Variants in CREG2 observed in about 807,000 individuals in gnomAD.
CREG2 encodes the protein protein CREG2.
Under a neutral mutation model 26.2 loss-of-function variants are expected in CREG2, and 24 were observed. That is an observed-to-expected ratio of 0.92 (90% confidence interval 0.66 to 1.29). The LOEUF (loss-of-function observed/expected upper bound fraction) is 1.29. Among genes scored for constraint, CREG2 ranks in the 50% most tolerant of loss-of-function variants. The probability of loss-of-function intolerance (pLI) is 0.00; values close to 1 mark genes in which losing one functional copy is unlikely to be tolerated. For missense variants in CREG2, 366 were observed against 398.6 expected (o/e 0.92, Z 0.70); for synonymous variants, 174 against 169.2 (o/e 1.03, Z -0.22).
intron 3 of CREG2, among the ~76,000 whole-genome samples, chr2:101,351,708 T>TA (rs1340164072): frequency 6.6e-6 from 1 of 152,096 alleles, no homozygotes; most frequent in Non-Finnish European, 1.5e-5. Flanking sequence ...TGCATACCCC[T>TA]AAACACGCTG....
In CREG2 at chr2:101,347,874, A is replaced by C. The variant is rs1374663489; in HGVS notation, c.*3049T>G. ...TTTTATGAATTGTGCTTTTGGTATC[A>C]AGTCTAACAACCCTTTGCTTAGCCC... On this transcript the variant is annotated 3_prime_UTR_variant, in exon 4 of 4. Coordinates refer to ENST00000324768, the MANE Select transcript of CREG2 (RefSeq NM_153836.4). 6.6e-6 allele frequency: 1 copy of C among 152,196 alleles called. No homozygotes were observed. Among genetic ancestry groups the C allele is most frequent in the Non-Finnish European group, 1.5e-5 (1 of 68,016 alleles). The allele number at this position is 152,196 out of a possible 1,614,324, so 9.4% of individuals were successfully genotyped here.
chr2:101,368,011 G>A (rs1013036323), intron 2 of CREG2, among the ~76,000 whole-genome samples: 6 of 152,156 alleles, frequency 3.9e-5, no homozygotes, highest in African/African-American at 7.2e-5. Flanking sequence ...ATCTGTGGCC[G>A]GGCACGGTGG....
chr2:101,351,739 G>T (rs928586986), intron 3 of CREG2, among the ~76,000 whole-genome samples: 13 of 152,158 alleles, frequency 8.5e-5, no homozygotes, highest in African/African-American at 2.9e-4. Context: ...GAGGGCAGGG[G>T]CTGTGGCTTA....
At chr2:101,370,949 G>A (rs77107998) in intron 2 of CREG2, among the ~76,000 whole-genome samples, 5,645 of 152,242 alleles carry the variant, frequency 0.037, 151 homozygotes, top group African/African-American at 0.081. Flanking sequence ...GGGTCTTGCT[G>A]CAGTGCTGAC....
chr2:101,384,697 A>C (rs1033879309), intron 1 of CREG2, among the ~76,000 whole-genome samples: 1 of 152,226 alleles, frequency 6.6e-6, no homozygotes, highest in African/African-American at 2.4e-5. Flanking sequence ...TCCCTACAAA[A>C]AGTTTTTTAA....
At chr2:101,357,816 C>T (rs1224595075) in intron 2 of CREG2, among the ~76,000 whole-genome samples, 1 of 151,666 alleles carries the variant, frequency 6.6e-6, no homozygotes, top group Non-Finnish European at 1.5e-5. Context: ...CTGTAGCACC[C>T]TACCTGAGGT....
intron 2 of CREG2, among the ~76,000 whole-genome samples, chr2:101,367,075 A>G (rs1345565851): frequency 6.6e-6 from 1 of 152,148 alleles, no homozygotes; most frequent in Non-Finnish European, 1.5e-5. Context: ...ACCAAGGGAT[A>G]AATGTATGTG....
intron 1 of CREG2, 46 bp downstream of exon 1, chr2:101,386,964 CCCGGCCG>C: frequency 8.1e-7 from 1 of 1,230,196 alleles, no homozygotes; most frequent in Non-Finnish European, 1.0e-6. Flanking sequence ...GTCCCCGTCC[CCCGGCCG>C]CCGCCTGAAT....
At chr2:101,370,873 C>T (rs1440886318) in intron 2 of CREG2, among the ~76,000 whole-genome samples, 1 of 152,172 alleles carries the variant, frequency 6.6e-6, no homozygotes, top group Non-Finnish European at 1.5e-5. Context: ...CCTCTTGGCT[C>T]ATCTTCAGGA....
At chr2:101,380,040 A>G (rs1481255601) in intron 2 of CREG2, among the ~76,000 whole-genome samples, 1 of 151,462 alleles carries the variant, frequency 6.6e-6, no homozygotes, top group East Asian at 1.9e-4. Flanking sequence ...CCATTCATCT[A>G]TCATCTATTC....
chr2:101,376,916 A>G (rs1684801421), intron 2 of CREG2, among the ~76,000 whole-genome samples: 1 of 152,210 alleles, frequency 6.6e-6, no homozygotes, highest in South Asian at 2.1e-4. Context: ...GACTAGGGAA[A>G]CTGTAAAATT....
chr2:101,359,888 T>G (rs2104473160), intron 2 of CREG2, among the ~76,000 whole-genome samples: 1 of 152,334 alleles, frequency 6.6e-6, no homozygotes, highest in Middle Eastern at 3.4e-3. Flanking sequence ...TAGAGACCAT[T>G]CATAAGAATT....
At position 101,346,424 on chromosome 2, in the gene CREG2, G is replaced by A. The variant is rs1216854208; in HGVS notation, c.*4499C>T. 1.3e-5 allele frequency: 2 copies of A among 152,136 alleles called. No individual in the cohort carries two copies. The highest frequency in any genetic ancestry group is 4.8e-5 in the African/African-American group (2 of 41,422). The allele number at this position is 152,136 out of a possible 1,614,324, so 9.4% of individuals were successfully genotyped here. A position where few individuals can be genotyped will look rare whatever the true frequency, so the allele number is the denominator to read the frequency against. ...ACTTGGATACTTATATACACCTATAGCTTACTCAACGTGTTTATATCAGAA... is the reference window on the plus strand; with the variant it reads ...ACTTGGATACTTATATACACCTATAACTTACTCAACGTGTTTATATCAGAA... On this transcript the variant is annotated 3_prime_UTR_variant, in exon 4 of 4. Transcript: ENST00000324768.
chr2:101,362,014 C>T (rs1254324556), intron 2 of CREG2, among the ~76,000 whole-genome samples: 1 of 152,174 alleles, frequency 6.6e-6, no homozygotes, highest in African/African-American at 2.4e-5. Flanking sequence ...CCTAGTCCAT[C>T]CCCAGGTCCC....
intron 2 of CREG2, among the ~76,000 whole-genome samples, chr2:101,374,032 ATTT>A (rs956998264): frequency 1.3e-5 from 2 of 152,068 alleles, no homozygotes; most frequent in African/African-American, 4.8e-5. Context: ...CACCTGGCTA[ATTT>A]TTTTATTTTT....
At chr2:101,364,130 A>C (rs1684586447) in intron 2 of CREG2, among the ~76,000 whole-genome samples, 1 of 152,142 alleles carries the variant, frequency 6.6e-6, no homozygotes, top group South Asian at 2.1e-4. Flanking sequence ...TACACAAGGA[A>C]CTGTCCTACC....
chr2:101,349,533 T>G lies in CREG2; in HGVS notation c.*1390A>C, dbSNP rs550610535. ...ACCTCCCTAACCTACCAAAGAAAGT[T>G]TGTAGCCATTACAGAAAGACAGAAA... is the stretch of plus-strand genomic sequence containing the variant. On this transcript the variant is annotated 3_prime_UTR_variant, in exon 4 of 4. Transcript: ENST00000324768. The G allele has an allele frequency of 6.5e-6, 1 of 152,734 alleles. No individual in the cohort carries two copies. The highest frequency in any genetic ancestry group is 2.1e-4 in the South Asian group (1 of 4,826). 9.5% of individuals were successfully genotyped at this position (152,734 alleles called of 1,614,324 possible).
chr2:101,350,368 C>T lies in CREG2; in HGVS notation c.*555G>A, dbSNP rs1684359908. 1 of 152,602 alleles carries T rather than the reference C, an allele frequency of 6.6e-6. No homozygotes were observed. The highest frequency in any genetic ancestry group is 1.5e-5 in the Non-Finnish European group (1 of 68,384). 9.5% of individuals were successfully genotyped at this position (152,602 alleles called of 1,614,324 possible). A position where few individuals can be genotyped will look rare whatever the true frequency, so the allele number is the denominator to read the frequency against. ...TGGTGGGAGAAAAGCTGCATTCTAG[C>T]CAGTATGACCTAATAATGCATCTGC... On this transcript the variant is annotated 3_prime_UTR_variant, in exon 4 of 4. Coordinates refer to ENST00000324768, the MANE Select transcript of CREG2 (RefSeq NM_153836.4).
At chr2:101,369,626 T>C (rs1488392568) in intron 2 of CREG2, among the ~76,000 whole-genome samples, 2 of 152,176 alleles carry the variant, frequency 1.3e-5, no homozygotes, top group Non-Finnish European at 2.9e-5. Context: ...CGATAACTTG[T>C]AGGGGATTTA....
Sources: allele counts gnomAD v4.1 joint callset (sites outside exome capture counted in the v4.1 genomes callset), GRCh38; gene constraint gnomAD v4.1.1; transcripts MANE v1.5; gene names NCBI Gene and HGNC (gene_info 2026-07-23, HGNC 2026-07-21).